Variants in CUL1 observed in about 807,000 individuals in gnomAD.
The protein encoded by CUL1 is cullin-1.
CUL1 carries 24 observed loss-of-function variants against 118.0 expected under a neutral mutation model. The ratio of observed to expected loss-of-function variants is 0.20; its 90% confidence interval spans 0.15 to 0.29. CUL1 has a LOEUF of 0.29. Among genes scored for constraint, CUL1 ranks in the 10% least tolerant of loss-of-function variants. The pLI is 1.00. For synonymous variants in CUL1, 332 were observed against 340.4 expected, an observed-to-expected ratio of 0.98 and a Z score of 0.27; for missense variants, 361 against 933.8, an observed-to-expected ratio of 0.39 and a Z score of 7.99.
rs1800875073 is a variant in CUL1 at position 148,787,988 on chromosome 7, G to A, written c.1480-569G>A. ...GAAATAGTTTCTCACAATTCTGGGG[G>A]CCACAAGTCCGAGATCAGGGTGCCA... On this transcript the variant is annotated intron_variant, in intron 13 of 21. Coordinates refer to ENST00000325222, the MANE Select transcript of CUL1 (RefSeq NM_003592.3). This position sits in a 1 kb window ranked among gnomAD's most constrained non-coding sequence, Gnocchi z 5.5. Among the ~76,000 whole-genome samples, 1 of 152,198 alleles carries A rather than the reference G, an allele frequency of 6.6e-6. No homozygotes were observed. Among genetic ancestry groups the A allele is most frequent in the Non-Finnish European group, 1.5e-5 (1 of 68,046 alleles).
chr7:148,743,725 C>T lies in CUL1; in HGVS notation c.141-10251C>T, dbSNP rs191886260. On this transcript the variant is annotated intron_variant, in intron 2 of 21. Transcript: ENST00000325222. Reference sequence around the variant, plus strand: ...GGCAGATCGCCTGATGCCAGGAGTTCAAGACCAGCCTGGCCAACGTGATGA... The same window carrying T: ...GGCAGATCGCCTGATGCCAGGAGTTTAAGACCAGCCTGGCCAACGTGATGA... Among the ~76,000 whole-genome samples, 281 of 152,256 alleles carry T rather than the reference C, an allele frequency of 1.8e-3. 2 individuals carry two copies. Among genetic ancestry groups the T allele is most frequent in the South Asian group, 0.018 (88 of 4,826 alleles).
chr7:148,742,214 C>T (rs769470870), intron 2 of CUL1, among the ~76,000 whole-genome samples: 5 of 152,118 alleles, frequency 3.3e-5, no homozygotes, highest in Non-Finnish European at 7.3e-5. Flanking sequence ...TCTCATACAG[C>T]TAATAAAGAT....
chr7:148,761,435 T>C (rs181074565), intron 7 of CUL1, among the ~76,000 whole-genome samples: 4,991 of 152,238 alleles, frequency 0.033, 114 homozygotes, highest in Non-Finnish European at 0.052. Context: ...CGCTTGAACC[T>C]GGGAGGCGGA....
At chr7:148,771,726 C>T (rs903226478) in intron 9 of CUL1, among the ~76,000 whole-genome samples, 10 of 152,130 alleles carry the variant, frequency 6.6e-5, no homozygotes, top group Middle Eastern at 3.2e-3. Flanking sequence ...AAACTGGTTT[C>T]GAGCTGAGCA....
intron 3 of CUL1, among the ~76,000 whole-genome samples, chr7:148,755,626 T>C (rs1036414266): frequency 1.3e-5 from 2 of 152,200 alleles, no homozygotes; most frequent in African/African-American, 4.8e-5. Context: ...AATTATTCTT[T>C]AGTACTAAAG....
At chr7:148,779,324 C>T (rs1229246982) in intron 9 of CUL1, among the ~76,000 whole-genome samples, 1 of 152,140 alleles carries the variant, frequency 6.6e-6, no homozygotes, top group Non-Finnish European at 1.5e-5. Flanking sequence ...TCCCAGTGGG[C>T]AACACTGAGA....
At chr7:148,710,944 A>G (rs1482179847) in intron 1 of CUL1, among the ~76,000 whole-genome samples, 1 of 152,076 alleles carries the variant, frequency 6.6e-6, no homozygotes, top group Non-Finnish European at 1.5e-5. Context: ...CTGAGATTAC[A>G]GGCAGGAGCC....
intron 1 of CUL1, among the ~76,000 whole-genome samples, chr7:148,710,845 T>G (rs1198559379): frequency 6.6e-6 from 1 of 151,896 alleles, no homozygotes; most frequent in African/African-American, 2.4e-5. Context: ...TTTTGTGTGT[T>G]TTTAGTAGGG....
intron 2 of CUL1, among the ~76,000 whole-genome samples, chr7:148,740,548 C>T (rs1033631208): frequency 6.6e-6 from 1 of 152,186 alleles, no homozygotes; most frequent in African/African-American, 2.4e-5. Flanking sequence ...TACTAATGTA[C>T]TTTGTCTCTA....
chr7:148,710,027 C>T (rs1264801001), intron 1 of CUL1, among the ~76,000 whole-genome samples: 1 of 151,848 alleles, frequency 6.6e-6, no homozygotes, highest in Non-Finnish European at 1.5e-5. Context: ...GGAGATGTTG[C>T]AGTGAGCCGA....
At chr7:148,737,927 T>C (rs932525579) in intron 2 of CUL1, among the ~76,000 whole-genome samples, 1 of 152,132 alleles carries the variant, frequency 6.6e-6, no homozygotes, top group Non-Finnish European at 1.5e-5. Flanking sequence ...AATAAAACTT[T>C]TAGTGCAGAG....
chr7:148,737,782 G>A (rs1483168722), intron 2 of CUL1, among the ~76,000 whole-genome samples: 1 of 151,672 alleles, frequency 6.6e-6, no homozygotes, highest in Non-Finnish European at 1.5e-5. Context: ...TGTATTTTTA[G>A]TAGATACGGG....
At position 148,792,929 on chromosome 7, in the gene CUL1, T is replaced by C. The variant is rs1801066377; in HGVS notation, c.1899+111T>C. The C allele has an allele frequency of 8.6e-6, 6 of 699,330 alleles. No individual in the cohort carries two copies. In the East Asian group the frequency reaches 8.6e-5, roughly 10 times the overall value. 43.3% of individuals were successfully genotyped at this position (699,330 alleles called of 1,614,324 possible). A position where few individuals can be genotyped will look rare whatever the true frequency, so the allele number is the denominator to read the frequency against. On this transcript the variant is annotated intron_variant, in intron 17 of 21. Transcript: ENST00000325222. ...ATGGGCATCTTTAATTTGAAATAGATGTTTGCCTCATGAATATGAATATGG... is the reference window on the plus strand; with the variant it reads ...ATGGGCATCTTTAATTTGAAATAGACGTTTGCCTCATGAATATGAATATGG...
intron 2 of CUL1, among the ~76,000 whole-genome samples, chr7:148,743,706 T>C (rs1799218553): frequency 6.6e-6 from 1 of 151,916 alleles, no homozygotes; most frequent in Admixed American, 6.5e-5. Context: ...GGCGGGCAGA[T>C]CGCCTGATGC....
intron 9 of CUL1, among the ~76,000 whole-genome samples, chr7:148,782,103 T>C (rs1281747392): frequency 6.6e-6 from 1 of 152,154 alleles, no homozygotes; most frequent in African/African-American, 2.4e-5. Flanking sequence ...ACTTTGTAAA[T>C]ACTGTAACAG....
In CUL1 at chr7:148,767,695, C is replaced by T. The variant is rs1393710205; in HGVS notation, c.1029C>T (p.His343=). The T allele has an allele frequency of 6.2e-7, 1 of 1,613,784 alleles. No individual in the cohort carries two copies. Among genetic ancestry groups the T allele is most frequent in the Non-Finnish European group, 8.5e-7 (1 of 1,179,738 alleles). The change falls in exon 9 of 22, where the codon CAC becomes CAT. Residue 343 remains histidine (H), a synonymous_variant. Coordinates refer to ENST00000325222, the MANE Select transcript of CUL1 (RefSeq NM_003592.3). ...LGELKKLLET[H]IHNQGLAAIE... ...AATTGAAAAAACTGTTGGAGACACACATTCATAATCAGGGTCTTGCAGCCA... is the reference window on the plus strand; with the variant it reads ...AATTGAAAAAACTGTTGGAGACACATATTCATAATCAGGGTCTTGCAGCCA...
intron 1 of CUL1, among the ~76,000 whole-genome samples, chr7:148,724,937 T>A (rs1798512314): frequency 6.6e-6 from 1 of 152,188 alleles, no homozygotes; most frequent in Non-Finnish European, 1.5e-5. Flanking sequence ...GAAAATATTT[T>A]TACCCCTTAC....
intron 9 of CUL1, among the ~76,000 whole-genome samples, chr7:148,779,005 C>T (rs940271655): frequency 7.2e-5 from 11 of 152,182 alleles, no homozygotes; most frequent in Admixed American, 7.2e-4. Flanking sequence ...CACAACTGAT[C>T]CCCAGAAATT....
chr7:148,759,908 A>G lies in CUL1; in HGVS notation c.625+270A>G, dbSNP rs1799782384. Among the ~76,000 whole-genome samples the G allele has an allele frequency of 2.0e-5, 3 of 152,300 alleles. No individual in the cohort carries two copies. In the South Asian group the frequency reaches 6.2e-4, roughly 32 times the overall value. On this transcript the variant is annotated intron_variant, in intron 6 of 21. Transcript: ENST00000325222. ...CTGGTCTCATAGTGAATTACTGGAT[A>G]TGTTAGAGTGTGAGCTCAATGATAA... is the stretch of plus-strand genomic sequence containing the variant.
Sources: allele counts gnomAD v4.1 joint callset (sites outside exome capture counted in the v4.1 genomes callset), GRCh38; gene constraint gnomAD v4.1.1; non-coding constraint Gnocchi (gnomAD v3.1); transcripts MANE v1.5; gene names NCBI Gene and HGNC (gene_info 2026-07-23, HGNC 2026-07-21).